The following ACVR1B variants were observed in gnomAD, a reference collection of about 807,000 sequenced individuals.
ACVR1B encodes the protein activin A receptor type 1B.
In ACVR1B, 15 loss-of-function variants were observed where a neutral mutation model predicts 55.6. The observed-to-expected ratio is 0.27, with a 90% CI of 0.18 to 0.42. The LOEUF is 0.42. ACVR1B is among the 10% of genes least tolerant of loss of function. The pLI, the probability that ACVR1B is intolerant of heterozygous loss-of-function variation, is 1.00. For missense variants in ACVR1B, 359 were observed against 670.1 expected, an observed-to-expected ratio of 0.54 and a Z score of 5.13; for synonymous variants, 247 against 254.6, an observed-to-expected ratio of 0.97 and a Z score of 0.28.
intron 1 of ACVR1B, among the ~76,000 whole-genome samples, chr12:51,962,286 C>T (rs1267151004): frequency 1.3e-5 from 2 of 152,056 alleles, no homozygotes; most frequent in South Asian, 2.1e-4. Flanking sequence ...TTCTCCCCAC[C>T]CCCCACCATA....
At chr12:51,985,049 G>C in intron 5 of ACVR1B, 143 bp from the exon 6 acceptor site, 1 of 729,286 alleles carries the variant, frequency 1.4e-6, no homozygotes, top group South Asian at 2.2e-5. Flanking sequence ...CTGAGGTACA[G>C]AGGGCTAAAG....
intron 3 of ACVR1B, 67 bp downstream of exon 3, chr12:51,976,642 C>T: frequency 1.3e-6 from 2 of 1,583,782 alleles, no homozygotes; most frequent in Non-Finnish European, 1.7e-6. Context: ...GGATAGAGTG[C>T]TTGTAGAGAA....
intron 1 of ACVR1B, among the ~76,000 whole-genome samples, chr12:51,956,663 C>G (rs1256377379): frequency 6.6e-6 from 1 of 152,178 alleles, no homozygotes; most frequent in Non-Finnish European, 1.5e-5. Flanking sequence ...ATTACCAAAT[C>G]TTCAACCATT....
intron 4 of ACVR1B, among the ~76,000 whole-genome samples, 183 bp downstream of exon 4, chr12:51,981,382 C>T (rs1941974932): frequency 6.6e-6 from 1 of 152,054 alleles, no homozygotes; most frequent in African/African-American, 2.4e-5. Flanking sequence ...AAAGGTTATA[C>T]AAAAATCCAG....
At position 51,979,163 on chromosome 12, in the gene ACVR1B, CAAAA is replaced by C. The variant is rs1164099929; in HGVS notation, c.581-1789_581-1786del. Among the ~76,000 whole-genome samples the C allele has an allele frequency of 5.3e-5, 3 of 57,104 alleles. No individual in the cohort carries two copies. The South Asian group carries it at 2.1e-3, about 41-fold the overall frequency. The allele number at this position is 57,104 out of a possible 152,430, so 37.5% of individuals were successfully genotyped here. On this transcript the variant is annotated intron_variant, in intron 3 of 8. Coordinates refer to ENST00000257963, the MANE Select transcript of ACVR1B (RefSeq NM_004302.5). ...GGGCAGCAAGAGCAAAGCTCCGTCT[CAAAA>C]AAAAAAAAAAAAAAAAGGCCAGGCA...
At chr12:51,978,511 T>C (rs1231641410) in intron 3 of ACVR1B, among the ~76,000 whole-genome samples, 1 of 151,978 alleles carries the variant, frequency 6.6e-6, no homozygotes, top group Admixed American at 6.6e-5. Context: ...ACCTTCTGGG[T>C]GATATGGTTT....
At chr12:51,957,632 T>C (rs1413500258) in intron 1 of ACVR1B, among the ~76,000 whole-genome samples, 1 of 152,094 alleles carries the variant, frequency 6.6e-6, no homozygotes, top group African/African-American at 2.4e-5. Flanking sequence ...CTCAAATTCC[T>C]GGGCTCAAAT....
chr12:51,959,041 T>C (rs1357996875), intron 1 of ACVR1B, among the ~76,000 whole-genome samples: 1 of 152,130 alleles, frequency 6.6e-6, no homozygotes, highest in Non-Finnish European at 1.5e-5. Flanking sequence ...CCAGGTGAGG[T>C]GGACAATAAA....
chr12:51,989,091 A>AT (rs1313863322), intron 7 of ACVR1B, among the ~76,000 whole-genome samples: 1 of 152,144 alleles, frequency 6.6e-6, no homozygotes, highest in African/African-American at 2.4e-5. Flanking sequence ...CCCTATCTCT[A>AT]TTAAAAATAC....
At chr12:51,952,467 C>T (rs926529281) in intron 1 of ACVR1B, among the ~76,000 whole-genome samples, 1 of 152,160 alleles carries the variant, frequency 6.6e-6, no homozygotes, top group Non-Finnish European at 1.5e-5. Context: ...TTCAGTGGGG[C>T]AATCCCCCCT....
intron 1 of ACVR1B, among the ~76,000 whole-genome samples, chr12:51,962,840 C>T (rs1015902611): frequency 1.3e-5 from 2 of 152,112 alleles, no homozygotes; most frequent in African/African-American, 4.8e-5. Flanking sequence ...GGCAGAGGCC[C>T]CTCTGCCCCT....
At chr12:51,965,418 C>A (rs1229839633) in intron 1 of ACVR1B, among the ~76,000 whole-genome samples, 1 of 152,092 alleles carries the variant, frequency 6.6e-6, no homozygotes, top group Non-Finnish European at 1.5e-5. Context: ...TTTGGACCCC[C>A]CCACCAAGTA....
chr12:51,981,323 G>A, intron 4 of ACVR1B, 124 bp downstream of exon 4: 4 of 772,484 alleles, frequency 5.2e-6, no homozygotes, highest in Non-Finnish European at 8.1e-6. Context: ...CTTGAGTAAG[G>A]TCAAGGTTTC....
chr12:51,973,614 T>A (rs994619992), intron 1 of ACVR1B, among the ~76,000 whole-genome samples: 1 of 152,230 alleles, frequency 6.6e-6, no homozygotes, highest in African/African-American at 2.4e-5. Flanking sequence ...GAATAAAAAT[T>A]CAGGAGAAAT....
In ACVR1B at chr12:51,994,176, A is replaced by G; in HGVS notation, c.*66A>G. ...TACGCACAGCTGCCGCGTTGAGCGT[A>G]CGATGGAGGCCTACCTCTCGTTTCT... On this transcript the variant is annotated 3_prime_UTR_variant, in exon 9 of 9. Coordinates refer to ENST00000257963, the MANE Select transcript of ACVR1B (RefSeq NM_004302.5). The surrounding 1 kb of genome is among the most constrained non-coding windows in gnomAD (Gnocchi z 4.2). The G allele has an allele frequency of 6.3e-7, 1 of 1,584,506 alleles. No homozygotes were observed. The highest frequency in any genetic ancestry group is 8.6e-7 in the Non-Finnish European group (1 of 1,168,932).
Position 51,994,227 on chromosome 12 carries a change from C to G in ACVR1B, c.*117C>G. ...GCCCAGCCCTCTGTGGCCAGGAGCC[C>G]TGGCCCGCAAGAGGGACAGAGCCCG... is the stretch of plus-strand genomic sequence containing the variant. On this transcript the variant is annotated 3_prime_UTR_variant, in exon 9 of 9. Transcript: ENST00000257963. This position sits in a 1 kb window ranked among gnomAD's most constrained non-coding sequence, Gnocchi z 4.2. The G allele has an allele frequency of 6.8e-7, 1 of 1,468,130 alleles. No individual in the cohort carries two copies. The highest frequency in any genetic ancestry group is 9.2e-7 in the Non-Finnish European group (1 of 1,092,426). The allele number at this position is 1,468,130 out of a possible 1,614,324, so 90.9% of individuals were successfully genotyped here.
chr12:51,986,865 T>C lies in ACVR1B; in HGVS notation c.1184T>C (p.Phe395Ser). ...VLDETINMKH[F>S]DSFKCADIYA... Reference sequence around the variant, plus strand: ...GATGAAACCATTAATATGAAACACTTTGACTCCTTTAAATGTGCTGATATT... The same window carrying C: ...GATGAAACCATTAATATGAAACACTCTGACTCCTTTAAATGTGCTGATATT... Residue 395 changes from phenylalanine (F) to serine (S), a missense_variant, in exon 7 of 9, where the codon TTT becomes TCT. Phe to Ser is a radical substitution (Grantham distance 155). This residue lies in a region of ACVR1B where 119 missense variants were observed against 340.2 expected (regional missense o/e 0.35). Coordinates refer to ENST00000257963, the MANE Select transcript of ACVR1B (RefSeq NM_004302.5). The C allele has an allele frequency of 6.2e-7, 1 of 1,614,180 alleles. No homozygotes were observed. The highest frequency in any genetic ancestry group is 8.5e-7 in the Non-Finnish European group (1 of 1,180,014).
chr12:51,979,941 G>A (rs1014397739), intron 3 of ACVR1B, among the ~76,000 whole-genome samples: 2 of 152,226 alleles, frequency 1.3e-5, no homozygotes, highest in South Asian at 2.1e-4. Context: ...TAGGACAGGC[G>A]GACGGAGATG....
intron 1 of ACVR1B, among the ~76,000 whole-genome samples, chr12:51,963,334 TC>T (rs1941573277): frequency 6.6e-6 from 1 of 152,208 alleles, no homozygotes; most frequent in African/African-American, 2.4e-5. Flanking sequence ...AACCTCTGCC[TC>T]CCAGGTTCAA....
Sources: gnomAD v4.1 joint callset for allele counts (sites outside exome capture counted in the v4.1 genomes callset) on GRCh38, gnomAD v4.1.1 for gene constraint, gnomAD v4.1.1 regional missense constraint, Gnocchi (gnomAD v3.1) non-coding constraint, MANE v1.5 for transcripts, NCBI Gene and HGNC (gene_info 2026-07-23, HGNC 2026-07-21) for gene names.